Variants in MBD5 observed in about 807,000 individuals in gnomAD.
MBD5 encodes the protein methyl-CpG binding domain protein 5.
Under a neutral mutation model 117.3 loss-of-function variants are expected in MBD5, and 13 were observed. The observed-to-expected ratio is 0.11, with a 90% CI of 0.07 to 0.18. The LOEUF (loss-of-function observed/expected upper bound fraction) is 0.18. MBD5 is among the 10% of genes least tolerant of loss of function. MBD5 has a pLI of 1.00. For missense variants in MBD5, 1,879 were observed against 2,093.8 expected (o/e 0.90, Z 2.00); for synonymous variants, 727 against 766.4 (o/e 0.95, Z 0.85).
At chr2:148,123,906 G>A (rs927053334) in intron 1 of MBD5, among the ~76,000 whole-genome samples, 2 of 152,184 alleles carry the variant, frequency 1.3e-5, no homozygotes, top group African/African-American at 2.4e-5. Context: ...GATTACTTCG[G>A]TGGTGATGGT....
At chr2:148,187,327 C>G (rs896849083) in intron 2 of MBD5, among the ~76,000 whole-genome samples, 2 of 151,154 alleles carry the variant, frequency 1.3e-5, no homozygotes, top group African/African-American at 4.9e-5. Context: ...AAAAAAAACC[C>G]AGCACCTAAG....
intron 1 of MBD5, among the ~76,000 whole-genome samples, chr2:148,057,521 T>TA (rs779374343): frequency 4.0e-5 from 6 of 151,892 alleles, no homozygotes; most frequent in Non-Finnish European, 7.4e-5. Flanking sequence ...TATCTTTTTT[T>TA]ATTATTGATT....
chr2:148,220,930 C>G (rs1413194907), intron 2 of MBD5, among the ~76,000 whole-genome samples: 1 of 152,038 alleles, frequency 6.6e-6, no homozygotes, highest in Non-Finnish European at 1.5e-5. Context: ...ATCCCCAACC[C>G]TCCAACTACC....
At chr2:148,428,401 G>A (rs565561639) in intron 4 of MBD5, among the ~76,000 whole-genome samples, 14 of 152,216 alleles carry the variant, frequency 9.2e-5, no homozygotes, top group South Asian at 6.2e-4. Context: ...AATCAGTATC[G>A]TGAAAATGGC....
intron 3 of MBD5, among the ~76,000 whole-genome samples, chr2:148,288,208 G>A (rs893022426): frequency 1.4e-5 from 2 of 138,944 alleles, no homozygotes; most frequent in South Asian, 5.3e-4. Flanking sequence ...AGACCATCCC[G>A]GCTAAAACGG....
chr2:148,178,924 T>C, intron 2 of MBD5, 131 bp downstream of exon 2: 2 of 391,934 alleles, frequency 5.1e-6, no homozygotes, highest in Non-Finnish European at 9.0e-6. Flanking sequence ...ACTGCATTCA[T>C]TCATATTCAG....
At chr2:148,418,108 G>A (rs1468546578) in intron 4 of MBD5, among the ~76,000 whole-genome samples, 2 of 152,086 alleles carry the variant, frequency 1.3e-5, no homozygotes, top group African/African-American at 4.8e-5. Context: ...CCAAAGTGCT[G>A]GGATTACAGG....
At chr2:148,082,403 T>C (rs569618739) in intron 1 of MBD5, among the ~76,000 whole-genome samples, 1 of 152,340 alleles carries the variant, frequency 6.6e-6, no homozygotes, top group South Asian at 2.1e-4. Flanking sequence ...TTCAGGTCTA[T>C]GCCATTTGCC....
chr2:148,436,867 G>T (rs1334975676), intron 4 of MBD5, among the ~76,000 whole-genome samples: 1 of 151,882 alleles, frequency 6.6e-6, no homozygotes, highest in Non-Finnish European at 1.5e-5. Flanking sequence ...ACACATTAGG[G>T]ATCACAAAAT....
In MBD5 at chr2:148,396,264, C is replaced by T. The variant is rs531586765; in HGVS notation, c.-557+53928C>T. 3.3e-5 allele frequency among the ~76,000 whole-genome samples: 5 copies of T among 152,312 alleles called. No individual in the cohort carries two copies. The South Asian group carries it at 1.0e-3, about 32-fold the overall frequency. ...ATGGAGACCTCCTTACTTGCCCCTC[C>T]TCCTTCAGCTAGAGCTTAGTGAGCT... is the stretch of plus-strand genomic sequence containing the variant. On this transcript the variant is annotated intron_variant, in intron 4 of 13. Transcript: ENST00000642680.
intron 3 of MBD5, among the ~76,000 whole-genome samples, chr2:148,272,220 G>A (rs1701002932): frequency 1.3e-5 from 2 of 152,092 alleles, no homozygotes; most frequent in Admixed American, 1.3e-4. Context: ...TCCATATCTT[G>A]GCTATTAGTT....
chr2:148,352,484 G>T (rs1488892938), intron 4 of MBD5, among the ~76,000 whole-genome samples: 1 of 151,728 alleles, frequency 6.6e-6, no homozygotes, highest in Non-Finnish European at 1.5e-5. Context: ...CACCACAAGG[G>T]TCCCTCATGT....
At chr2:148,112,482 G>A (rs1696524296) in intron 1 of MBD5, among the ~76,000 whole-genome samples, 1 of 152,084 alleles carries the variant, frequency 6.6e-6, no homozygotes, top group Non-Finnish European at 1.5e-5. Context: ...TATACTTGGT[G>A]CAAAACGAAC....
At chr2:148,168,789 A>G (rs1365841711) in intron 1 of MBD5, among the ~76,000 whole-genome samples, 1 of 152,062 alleles carries the variant, frequency 6.6e-6, no homozygotes, top group East Asian at 1.9e-4. Flanking sequence ...AGATATCTCT[A>G]AGGACTCAGT....
At chr2:148,422,070 A>G (rs1169273747) in intron 4 of MBD5, among the ~76,000 whole-genome samples, 1 of 152,218 alleles carries the variant, frequency 6.6e-6, no homozygotes, top group Non-Finnish European at 1.5e-5. Context: ...CCAGCACAGC[A>G]TTCGAGCTCT....
At chr2:148,202,404 C>A (rs1036173798) in intron 2 of MBD5, among the ~76,000 whole-genome samples, 4 of 151,882 alleles carry the variant, frequency 2.6e-5, no homozygotes, top group African/African-American at 9.7e-5. Context: ...ACCTAGGCAG[C>A]AGAATGGAAC....
intron 3 of MBD5, among the ~76,000 whole-genome samples, chr2:148,269,835 G>A (rs1347703029): frequency 6.6e-6 from 1 of 151,550 alleles, no homozygotes; most frequent in Non-Finnish European, 1.5e-5. Flanking sequence ...TTAGTTGAAT[G>A]TCAACCCTTT....
chr2:148,411,409 T>C (rs114516814), intron 4 of MBD5, among the ~76,000 whole-genome samples: 3,016 of 152,174 alleles, frequency 0.02, 107 homozygotes, highest in African/African-American at 0.069. Flanking sequence ...TTATGTTCTT[T>C]GAGAAGTCAC....
chr2:148,121,048 A>G (rs1487109455), intron 1 of MBD5, among the ~76,000 whole-genome samples: 1 of 152,204 alleles, frequency 6.6e-6, no homozygotes, highest in African/African-American at 2.4e-5. Context: ...GATCAGATGG[A>G]GACTAAAGTA....
Sources: allele counts gnomAD v4.1 joint callset (sites outside exome capture counted in the v4.1 genomes callset), GRCh38; gene constraint gnomAD v4.1.1; transcripts MANE v1.5; gene names NCBI Gene and HGNC (gene_info 2026-07-23, HGNC 2026-07-21).